Variants in ROBO2 observed in about 807,000 individuals in gnomAD.
ROBO2 encodes roundabout homolog 2.
Under a neutral mutation model 160.8 loss-of-function variants are expected in ROBO2, and 53 were observed. The ratio of observed to expected loss-of-function variants is 0.33; its 90% CI spans 0.26 to 0.41. The LOEUF is 0.41. Ranked by LOEUF, ROBO2 falls within the 10% of genes least tolerant of loss-of-function variation. ROBO2 has a pLI of 1.00. For synonymous variants in ROBO2, 664 were observed against 611.7 expected (o/e 1.09, Z -1.26); for missense variants, 1,577 against 1,722.4 (o/e 0.92, Z 1.49).
chr3:76,291,307 T>C (rs921381595), intron 2 of ROBO2, among the ~76,000 whole-genome samples: 5 of 152,154 alleles, frequency 3.3e-5, no homozygotes, highest in Non-Finnish European at 1.5e-5. Context: ...TATCCATTTC[T>C]TCTAGATTTT....
intron 2 of ROBO2, among the ~76,000 whole-genome samples, chr3:76,707,729 G>GTGTATATATA (rs1553876462): frequency 1.3e-5 from 1 of 75,322 alleles, no homozygotes; most frequent in Non-Finnish European, 2.5e-5. Context: ...ATACATGTGT[G>GTGTATATATA]TGTATATATA....
chr3:76,219,445 C>G (rs1220759040), intron 2 of ROBO2, among the ~76,000 whole-genome samples: 1 of 152,158 alleles, frequency 6.6e-6, no homozygotes, highest in African/African-American at 2.4e-5. Flanking sequence ...AGGCTAATAT[C>G]CAGAATCTAC....
At chr3:77,636,683 G>C (rs1391474713) in intron 24 of ROBO2, among the ~76,000 whole-genome samples, 1 of 152,214 alleles carries the variant, frequency 6.6e-6, no homozygotes, top group Non-Finnish European at 1.5e-5. Context: ...ATGGGCAGTG[G>C]CTGGATTTGG....
chr3:76,157,067 A>G (rs2072435331), intron 2 of ROBO2, among the ~76,000 whole-genome samples: 1 of 152,218 alleles, frequency 6.6e-6, no homozygotes, highest in Non-Finnish European at 1.5e-5. Flanking sequence ...ATTTATGAAC[A>G]GAGAGAATTG....
At chr3:77,129,700 A>T (rs932744547) in intron 2 of ROBO2, among the ~76,000 whole-genome samples, 3 of 152,174 alleles carry the variant, frequency 2.0e-5, no homozygotes, top group African/African-American at 7.2e-5. Context: ...GACCACTGTC[A>T]GGTGCAGGCA....
chr3:76,395,219 A>T (rs1350629571), intron 2 of ROBO2, among the ~76,000 whole-genome samples: 2 of 150,786 alleles, frequency 1.3e-5, no homozygotes, highest in Non-Finnish European at 2.9e-5. Context: ...CCTGCTCCTG[A>T]ATGACTACTG....
At chr3:77,013,215 A>C (rs2062022926) in intron 2 of ROBO2, among the ~76,000 whole-genome samples, 1 of 152,156 alleles carries the variant, frequency 6.6e-6, no homozygotes, top group Non-Finnish European at 1.5e-5. Context: ...TTTTGGAAAG[A>C]GAGTAGAAAA....
intron 21 of ROBO2, among the ~76,000 whole-genome samples, chr3:77,610,049 TA>T (rs1052231239): frequency 1.3e-5 from 2 of 151,230 alleles, no homozygotes. Flanking sequence ...AAAGTTAATA[TA>T]AAAACAAATA....
intron 2 of ROBO2, among the ~76,000 whole-genome samples, chr3:77,269,911 A>G (rs186829890): frequency 2.6e-5 from 4 of 152,300 alleles, no homozygotes; most frequent in South Asian, 2.1e-4. Flanking sequence ...ACTAAACTGC[A>G]TAGCAAACTA....
intron 2 of ROBO2, among the ~76,000 whole-genome samples, chr3:75,975,514 A>AT (rs141281722): frequency 6.6e-6 from 1 of 151,364 alleles, no homozygotes; most frequent in East Asian, 2.0e-4. Flanking sequence ...TTTTGAAATG[A>AT]TTTTTATTAG....
chr3:77,064,362 CTT>C (rs71104649), intron 1 of ROBO2, among the ~76,000 whole-genome samples: 1 of 138,170 alleles, frequency 7.2e-6, no homozygotes, highest in African/African-American at 2.7e-5. Context: ...TTGGATGTAT[CTT>C]TTTTTTTTTT....
At chr3:76,564,160 AGTGCC>A (rs1216947256) in intron 2 of ROBO2, among the ~76,000 whole-genome samples, 2 of 152,246 alleles carry the variant, frequency 1.3e-5, no homozygotes. Context: ...AAGCCGAGAT[AGTGCC>A]TATGCACTCC....
chr3:77,537,636 A>T (rs1448823623), intron 6 of ROBO2, among the ~76,000 whole-genome samples: 2 of 152,192 alleles, frequency 1.3e-5, no homozygotes, highest in Admixed American at 1.3e-4. Flanking sequence ...AAGAAAAGGT[A>T]TTATTGTATT....
intron 2 of ROBO2, among the ~76,000 whole-genome samples, chr3:75,978,557 CTG>C (rs1161447550): frequency 6.6e-6 from 1 of 151,368 alleles, no homozygotes; most frequent in Non-Finnish European, 1.5e-5. Flanking sequence ...AAAAAGCTGT[CTG>C]AAAATTTTAA....
At chr3:76,158,146 C>G (rs9828826) in intron 2 of ROBO2, among the ~76,000 whole-genome samples, 7,056 of 152,152 alleles carry the variant, frequency 0.046, 379 homozygotes, top group East Asian at 0.23. Flanking sequence ...AGGACTACAG[C>G]AGAAGTATTC....
intron 2 of ROBO2, among the ~76,000 whole-genome samples, chr3:76,248,898 A>G (rs1705805639): frequency 6.8e-6 from 1 of 147,472 alleles, no homozygotes; most frequent in Non-Finnish European, 1.5e-5. Flanking sequence ...TGTTTACCAA[A>G]GTCTGTGCTG....
intron 2 of ROBO2, among the ~76,000 whole-genome samples, chr3:77,277,145 TTTCCTTCTTTCC>T (rs2059888472): frequency 8.6e-6 from 1 of 116,110 alleles, no homozygotes; most frequent in Non-Finnish European, 1.9e-5. Flanking sequence ...TTCTTCCTTC[TTTCCTTCTTTCC>T]TTCTTTCTTT....
chr3:75,913,417 T>C (rs549404910), intron 1 of ROBO2, among the ~76,000 whole-genome samples: 1 of 152,230 alleles, frequency 6.6e-6, no homozygotes, highest in Non-Finnish European at 1.5e-5. Flanking sequence ...TCATAAGTGG[T>C]AATAATATTT....
chr3:76,821,143 A>G (rs570171097), intron 2 of ROBO2, among the ~76,000 whole-genome samples: 8 of 152,112 alleles, frequency 5.3e-5, no homozygotes, highest in South Asian at 4.1e-4. Context: ...GAAAAAATAA[A>G]CACTACCATA....
Sources: allele counts gnomAD v4.1 joint callset (sites outside exome capture counted in the v4.1 genomes callset), GRCh38; gene constraint gnomAD v4.1.1; transcripts MANE v1.5; gene names NCBI Gene and HGNC (gene_info 2026-07-23, HGNC 2026-07-21).